Variants in NCK1 observed in about 807,000 individuals in gnomAD.
NCK1 encodes the protein SH2/SH3 adapter protein NCK1.
Under a neutral mutation model 36.6 loss-of-function variants are expected in NCK1, and 19 were observed. The ratio of observed to expected loss-of-function variants is 0.52; its 90% CI spans 0.36 to 0.76. The LOEUF (loss-of-function observed/expected upper bound fraction) is 0.76. Among genes scored for constraint, NCK1 ranks in the 30% least tolerant of loss-of-function variants. The pLI is 0.00. For missense variants in NCK1, 358 were observed against 445.6 expected, an observed-to-expected ratio of 0.80 and a Z score of 1.77; for synonymous variants, 165 against 156.0, an observed-to-expected ratio of 1.06 and a Z score of -0.43.
chr3:136,946,872 A>G (rs1345524104), intron 3 of NCK1: 1 of 152,340 alleles, frequency 6.6e-6, no homozygotes, highest in Non-Finnish European at 1.5e-5. Flanking sequence ...CTAGTAAACA[A>G]TAAAACTATA....
chr3:136,942,483 A>G (rs1211032427), intron 2 of NCK1, among the ~76,000 whole-genome samples: 2 of 152,170 alleles, frequency 1.3e-5, no homozygotes. Context: ...TGGAGCCAAA[A>G]GAAAAAACAA....
intron 1 of NCK1, among the ~76,000 whole-genome samples, chr3:136,888,723 C>T (rs1313237810): frequency 6.6e-6 from 1 of 152,112 alleles, no homozygotes; most frequent in African/African-American, 2.4e-5. Flanking sequence ...CCCTAACCTC[C>T]CCTCTCCGTG....
intron 2 of NCK1, among the ~76,000 whole-genome samples, chr3:136,931,707 C>T (rs956794053): frequency 2.6e-5 from 4 of 152,160 alleles, no homozygotes; most frequent in Non-Finnish European, 5.9e-5. Context: ...CTAACTCTAG[C>T]AAATCTTACA....
chr3:136,909,824 A>G (rs1939787152), intron 1 of NCK1, among the ~76,000 whole-genome samples: 1 of 152,188 alleles, frequency 6.6e-6, no homozygotes, highest in African/African-American at 2.4e-5. Context: ...ATTAATGTAT[A>G]GTATCCTTCC....
chr3:136,914,714 TTCCA>T (rs1939915395), intron 1 of NCK1, among the ~76,000 whole-genome samples: 2 of 152,234 alleles, frequency 1.3e-5, no homozygotes, highest in Non-Finnish European at 2.9e-5. Context: ...AACTTCTGGC[TTCCA>T]GCCAGAAGAT....
rs1940290991 is a variant in NCK1 at position 136,928,040 on chromosome 3, T to C, written c.39T>C (p.Tyr13=). The C allele has an allele frequency of 6.2e-7, 1 of 1,614,180 alleles. No individual in the cohort carries two copies. The stretch of plus-strand genomic sequence containing the variant: ...TGGTGGTAGTAGCCAAATTTGATTA[T>C]GTGGCCCAACAAGAACAAGAGTTGG... The part of the protein sequence containing the change: ...EEVVVVAKFD[Y]VAQQEQELDI... Residue 13 remains tyrosine (Y), a synonymous_variant, in exon 2 of 4, where the codon TAT becomes TAC. Transcript: ENST00000481752.
At chr3:136,925,838 G>T (rs1056646899) in intron 1 of NCK1, among the ~76,000 whole-genome samples, 13 of 152,070 alleles carry the variant, frequency 8.5e-5, no homozygotes, top group Non-Finnish European at 1.6e-4. Flanking sequence ...CATTTCTCTG[G>T]GATAAATACC....
At chr3:136,898,111 G>A (rs1281398254) in intron 1 of NCK1, among the ~76,000 whole-genome samples, 1 of 152,110 alleles carries the variant, frequency 6.6e-6, no homozygotes, top group African/African-American at 2.4e-5. Context: ...GCAGGTGGCT[G>A]TTGGTGGGGT....
At chr3:136,899,737 T>C (rs1939490243) in intron 1 of NCK1, 2 of 966,442 alleles carry the variant, frequency 2.1e-6, no homozygotes, top group Non-Finnish European at 3.4e-6. Flanking sequence ...TCTGTTCTAC[T>C]ATTGCCATGT....
At chr3:136,883,201 A>C (rs1211333107) in intron 1 of NCK1, among the ~76,000 whole-genome samples, 2 of 152,166 alleles carry the variant, frequency 1.3e-5, no homozygotes, top group African/African-American at 4.8e-5. Context: ...GATTACAGGC[A>C]TGAGCCCCCA....
chr3:136,866,634 T>A (rs1307078578), intron 1 of NCK1, among the ~76,000 whole-genome samples: 1 of 150,528 alleles, frequency 6.6e-6, no homozygotes, highest in African/African-American at 2.4e-5. Context: ...TTTTTTTCTT[T>A]GAGGCGTCTC....
At chr3:136,873,881 G>A (rs555226125) in intron 1 of NCK1, among the ~76,000 whole-genome samples, 88 of 152,304 alleles carry the variant, frequency 5.8e-4, no homozygotes, top group African/African-American at 1.9e-3. Flanking sequence ...ACATGGAACT[G>A]TAAGTCCATT....
chr3:136,912,162 C>CTTTT (rs57596314), intron 1 of NCK1, among the ~76,000 whole-genome samples: 25 of 128,196 alleles, frequency 2.0e-4, no homozygotes, highest in East Asian at 4.2e-4. Context: ...ATTATTTTTT[C>CTTTT]TTTTTTTTTT....
chr3:136,944,111 CCTTTTTTTTTT>C (rs1241575441), intron 2 of NCK1, among the ~76,000 whole-genome samples: 4 of 80,924 alleles, frequency 4.9e-5, no homozygotes, highest in South Asian at 4.3e-4. Flanking sequence ...GGAAAAACAA[CCTTTTTTTTTT>C]TTTTTTTTTT....
At chr3:136,927,891 A>T (rs1940285723) in intron 1 of NCK1, 93 bp from the exon 2 acceptor site, 1 of 897,432 alleles carries the variant, frequency 1.1e-6, no homozygotes, top group African/African-American at 1.7e-5. Flanking sequence ...TTTCATCTTT[A>T]TGTCTTTAGA....
intron 1 of NCK1, among the ~76,000 whole-genome samples, chr3:136,893,191 T>TACACACAC (rs1204636247): frequency 5.1e-5 from 2 of 38,840 alleles, no homozygotes; most frequent in African/African-American, 8.7e-5. Flanking sequence ...TATATATATA[T>TACACACAC]ACACACATGT....
At chr3:136,885,774 TAC>T (rs980757927) in intron 1 of NCK1, among the ~76,000 whole-genome samples, 3 of 152,152 alleles carry the variant, frequency 2.0e-5, no homozygotes, top group Non-Finnish European at 4.4e-5. Context: ...AGTGAGATAA[TAC>T]AGTTAGGCAT....
intron 1 of NCK1, among the ~76,000 whole-genome samples, chr3:136,890,576 C>G (rs1336301688): frequency 6.6e-6 from 1 of 152,220 alleles, no homozygotes; most frequent in Non-Finnish European, 1.5e-5. Context: ...TACTTCATTC[C>G]TTTTTATTGC....
chr3:136,899,699 A>G, intron 1 of NCK1: 1 of 777,582 alleles, frequency 1.3e-6, no homozygotes, highest in South Asian at 1.4e-5. Context: ...CACTGCAATT[A>G]GAGATACGAG....
Sources: gnomAD v4.1 joint callset for allele counts (sites outside exome capture counted in the v4.1 genomes callset) on GRCh38, gnomAD v4.1.1 for gene constraint, MANE v1.5 for transcripts, NCBI Gene and HGNC (gene_info 2026-07-23, HGNC 2026-07-21) for gene names.